AVEN: variants seen among roughly 807,000 people sequenced by gnomAD.
AVEN encodes cell death regulator Aven.
In AVEN, 41 loss-of-function variants were observed where a neutral mutation model predicts 38.1. That is an observed-to-expected ratio of 1.08 (90% CI 0.84 to 1.40). The LOEUF is 1.40. AVEN is among the 40% of genes most tolerant of loss of function. The pLI is 0.00. For missense variants in AVEN, 605 were observed against 438.8 expected, an observed-to-expected ratio of 1.38 and a Z score of -3.38; for synonymous variants, 206 against 171.8, an observed-to-expected ratio of 1.20 and a Z score of -1.56.
chr15:34,009,066 C>T (rs1175742850), intron 1 of AVEN, among the ~76,000 whole-genome samples: 3 of 151,954 alleles, frequency 2.0e-5, no homozygotes, highest in African/African-American at 7.3e-5. Flanking sequence ...AACTTCTCAT[C>T]AGAATCAACG....
chr15:33,888,435 G>C (rs1597195058), intron 2 of AVEN, among the ~76,000 whole-genome samples: 1 of 152,166 alleles, frequency 6.6e-6, no homozygotes, highest in Non-Finnish European at 1.5e-5. Context: ...AAGCCAGAAG[G>C]AGATGGTAAC....
chr15:33,992,405 A>C (rs970264182), intron 2 of AVEN, among the ~76,000 whole-genome samples: 3 of 152,198 alleles, frequency 2.0e-5, no homozygotes, highest in African/African-American at 7.2e-5. Flanking sequence ...AAAAGAAAAA[A>C]GAAAATCAAA....
intron 2 of AVEN, among the ~76,000 whole-genome samples, chr15:33,924,121 C>T (rs185510496): frequency 6.6e-6 from 1 of 152,152 alleles, no homozygotes; most frequent in African/African-American, 2.4e-5. Context: ...AAACCAGTCT[C>T]TGGTGCCAAA....
At chr15:34,046,579 T>C (rs747834678) in intron 5 of AVEN, 3 of 152,228 alleles carry the variant, frequency 2.0e-5, no homozygotes, top group Non-Finnish European at 4.4e-5. Context: ...ACTTAAAATA[T>C]GGTACATGGA....
At chr15:33,865,161 A>G (rs777893687), downstream of AVEN, 10 of 1,613,780 alleles carry the variant, frequency 6.2e-6, no homozygotes, top group Non-Finnish European at 8.5e-6. Context: ...GTACCAAGAA[A>G]GGTGTTGGGA....
intron 2 of AVEN, among the ~76,000 whole-genome samples, chr15:33,990,072 T>C (rs2140564546): frequency 6.6e-6 from 1 of 151,822 alleles, no homozygotes; most frequent in African/African-American, 2.4e-5. Flanking sequence ...GGCGTGGTGG[T>C]GGGCGCCTAT....
At chr15:33,985,095 C>T (rs1896365510) in intron 2 of AVEN, among the ~76,000 whole-genome samples, 1 of 152,100 alleles carries the variant, frequency 6.6e-6, no homozygotes, top group African/African-American at 2.4e-5. Flanking sequence ...GGTTTCCTCA[C>T]ATCTATATCA....
chr15:33,948,464 C>A (rs1158330443), intron 2 of AVEN, among the ~76,000 whole-genome samples: 4 of 151,792 alleles, frequency 2.6e-5, no homozygotes, highest in Admixed American at 2.6e-4. Context: ...TTTAAAGATG[C>A]AAGGAAGCAT....
chr15:34,051,493 G>C (rs552488255), intron 5 of AVEN, among the ~76,000 whole-genome samples: 3 of 152,290 alleles, frequency 2.0e-5, no homozygotes, highest in Admixed American at 2.0e-4. Context: ...ACTAAGATCA[G>C]AGTTGAACTG....
At chr15:34,005,694 T>C (rs1897311098) in intron 1 of AVEN, among the ~76,000 whole-genome samples, 1 of 152,224 alleles carries the variant, frequency 6.6e-6, no homozygotes, top group South Asian at 2.1e-4. Context: ...GCAGTGTTAT[T>C]TGATCCACTG....
intron 2 of AVEN, among the ~76,000 whole-genome samples, chr15:33,953,414 C>T (rs1894826651): frequency 6.6e-6 from 1 of 152,150 alleles, no homozygotes; most frequent in Admixed American, 6.6e-5. Flanking sequence ...GTAACCAAAA[C>T]AGCATGGTAC....
At chr15:34,025,772 T>TTG (rs566774077) in intron 1 of AVEN, among the ~76,000 whole-genome samples, 1 of 151,732 alleles carries the variant, frequency 6.6e-6, no homozygotes, top group Admixed American at 6.6e-5. Context: ...GTGTGTGTGT[T>TTG]TGTGTGTGTG....
At chr15:34,049,780 G>A (rs1899865897) in intron 5 of AVEN, among the ~76,000 whole-genome samples, 1 of 151,978 alleles carries the variant, frequency 6.6e-6, no homozygotes. Flanking sequence ...AGGGCAGCCA[G>A]AGAGAAGGGC....
chr15:33,894,590 G>A (rs1356831264), intron 2 of AVEN, among the ~76,000 whole-genome samples: 1 of 145,642 alleles, frequency 6.9e-6, no homozygotes, highest in East Asian at 2.1e-4. Context: ...CAGGGGGACT[G>A]CCTGAGCTCA....
At chr15:34,069,662 A>G (rs1900591420) in intron 2 of AVEN, among the ~76,000 whole-genome samples, 1 of 152,140 alleles carries the variant, frequency 6.6e-6, no homozygotes. Flanking sequence ...TTTTAAGTAA[A>G]GTTCCAAGAT....
intron 2 of AVEN, among the ~76,000 whole-genome samples, chr15:33,886,656 T>C (rs1478778709): frequency 6.6e-6 from 1 of 152,196 alleles, no homozygotes; most frequent in Non-Finnish European, 1.5e-5. Context: ...ACATGTCTAC[T>C]TCCCCTTCCA....
chr15:34,010,273 C>G (rs1180832587), intron 1 of AVEN, among the ~76,000 whole-genome samples: 1 of 152,114 alleles, frequency 6.6e-6, no homozygotes, highest in Non-Finnish European at 1.5e-5. Context: ...CACCTATGAA[C>G]AGTATATTTG....
intron 5 of AVEN, among the ~76,000 whole-genome samples, chr15:33,866,989 G>GCAGTC (rs1890597745): frequency 6.6e-6 from 1 of 151,740 alleles, no homozygotes; most frequent in East Asian, 1.9e-4. Flanking sequence ...TATTATTGCA[G>GCAGTC]CAGTCCTGGA....
At chr15:33,963,536 C>T (rs1895277243) in intron 2 of AVEN, among the ~76,000 whole-genome samples, 1 of 152,094 alleles carries the variant, frequency 6.6e-6, no homozygotes, top group Admixed American at 6.5e-5. Flanking sequence ...GTGGCTCACG[C>T]CTATAATCCT....
Sources: gnomAD v4.1 joint callset for allele counts (sites outside exome capture counted in the v4.1 genomes callset) on GRCh38, gnomAD v4.1.1 for gene constraint, MANE v1.5 for transcripts, NCBI Gene and HGNC (gene_info 2026-07-23, HGNC 2026-07-21) for gene names.